ZBTB4: variants seen among roughly 807,000 people sequenced by gnomAD.
The protein encoded by ZBTB4 is zinc finger and BTB domain containing 4, also known as zinc finger and BTB domain-containing protein 4.
In ZBTB4, 14 loss-of-function variants were observed where a neutral mutation model predicts 59.8. The observed-to-expected ratio is 0.23, with a 90% CI of 0.15 to 0.37. The LOEUF is 0.37. Among genes scored for constraint, ZBTB4 ranks in the 10% least tolerant of loss-of-function variants. The probability of loss-of-function intolerance (pLI) is 1.00; values close to 1 mark genes in which losing one functional copy is unlikely to be tolerated. For missense variants in ZBTB4, 1,198 were observed against 1,380.8 expected (o/e 0.87, Z 2.10); for synonymous variants, 587 against 575.2 (o/e 1.02, Z -0.29).
upstream of ZBTB4, chr17:7,482,362 C>T (rs373918754): frequency 1.6e-4 from 253 of 1,613,900 alleles, no homozygotes; most frequent in Non-Finnish European, 1.7e-4. Context: ...AGGTGGTGCC[C>T]GCTGGCAACG....
At position 7,462,050 on chromosome 17, in the gene ZBTB4, G is replaced by A. The variant is rs1220080088; in HGVS notation, c.2932C>T (p.Pro978Ser). ...GGAGGTGGTGTTGGTGGGGCAGGGG[G>A]TGCTGCTTGAGGATTCACTGCGTAG... ...FGYAVNPQAA[P>S]PAPPTPPPPT... Residue 978 changes from proline to serine, a missense_variant, in exon 4 of 4, where the codon CCC becomes TCC. Pro to Ser is a moderately conservative substitution (Grantham distance 74, BLOSUM62 -1). Transcript: ENST00000380599. This position sits in a 1 kb window ranked among gnomAD's most constrained non-coding sequence, Gnocchi z 7.5. 3.1e-6 allele frequency: 5 copies of A among 1,600,818 alleles called. 1 individual carries two copies. In the African/African-American group the frequency reaches 6.7e-5, roughly 21 times the overall value.
At chr17:7,467,030 C>T (rs1168508295) in intron 2 of ZBTB4, among the ~76,000 whole-genome samples, 1 of 152,128 alleles carries the variant, frequency 6.6e-6, no homozygotes, top group African/African-American at 2.4e-5. Context: ...CTGGAAGAGG[C>T]CAGAGATACC....
In ZBTB4 at chr17:7,466,898, A is replaced by G; in HGVS notation, c.-9-88T>C. 1 of 1,436,672 alleles carries G rather than the reference A, an allele frequency of 7.0e-7. No individual in the cohort carries two copies. The highest frequency in any genetic ancestry group is 9.1e-7 in the Non-Finnish European group (1 of 1,098,596). 89.0% of individuals were successfully genotyped at this position (1,436,672 alleles called of 1,614,324 possible). A position where few individuals can be genotyped will look rare whatever the true frequency, so the allele number is the denominator to read the frequency against. ...AAAATCAGGCAGAGAGAGGATCAGG[A>G]GCTGCTGGTCAGAAACTAGTGGAAG... is the stretch of plus-strand genomic sequence containing the variant. On this transcript the variant is annotated intron_variant, in intron 2 of 3. Coordinates refer to ENST00000380599, the MANE Select transcript of ZBTB4 (RefSeq NM_001128833.2). The surrounding 1 kb of genome is among the most constrained non-coding windows in gnomAD (Gnocchi z 9.1).
In ZBTB4 at chr17:7,467,288, G is replaced by A. The variant is rs1215834329; in HGVS notation, c.-41C>T. On this transcript the variant is annotated 5_prime_UTR_variant, in exon 2 of 4. Coordinates refer to ENST00000380599, the MANE Select transcript of ZBTB4 (RefSeq NM_001128833.2). ...GCACAGCCAACATGGAGTGGGGCGGGGGGTGGCTCAGCGAGTCCCTTCTGC... is the reference window on the plus strand; with the variant it reads ...GCACAGCCAACATGGAGTGGGGCGGAGGGTGGCTCAGCGAGTCCCTTCTGC... 1 of 985,926 alleles carries A rather than the reference G, an allele frequency of 1.0e-6. No homozygotes were observed. The highest frequency in any genetic ancestry group is 6.1e-5 in the Admixed American group (1 of 16,372). The allele number at this position is 985,926 out of a possible 1,614,324, so 61.1% of individuals were successfully genotyped here. A position where few individuals can be genotyped will look rare whatever the true frequency, so the allele number is the denominator to read the frequency against.
At position 7,463,124 on chromosome 17, in the gene ZBTB4, CTG is replaced by C; in HGVS notation, c.1856_1857del (p.Ser619Ter). 6.2e-7 allele frequency: 1 copy of C among 1,609,584 alleles called. No individual in the cohort carries two copies. The highest frequency in any genetic ancestry group is 8.5e-7 in the Non-Finnish European group (1 of 1,179,104). ...AGCTCCCCAGGACGCAGGTCAGTCT[CTG>C]AGATGCGGCGCTTGACGATGGCCTC... ...GEEAIVKRRISETDLRPGELS... is the reference protein window; with the variant it reads ...GEEAIVKRRIXETDLRPGELS... On this transcript the variant is annotated frameshift_variant, in exon 4 of 4. Transcript: ENST00000380599. LOFTEE classifies it high-confidence loss of function.
chr17:7,480,668 C>T (rs1176306286), upstream of ZBTB4, among the ~76,000 whole-genome samples: 1 of 151,534 alleles, frequency 6.6e-6, no homozygotes, highest in African/African-American at 2.4e-5. Flanking sequence ...TGCAGTGAGC[C>T]GAGATCTCGC....
chr17:7,472,357 A>C (rs918220151), intron 1 of ZBTB4, among the ~76,000 whole-genome samples: 2 of 151,818 alleles, frequency 1.3e-5, no homozygotes, highest in South Asian at 2.1e-4. Context: ...CGTCCGGCTA[A>C]TTTTTGTATT....
chr17:7,471,665 G>C (rs2070198705), intron 1 of ZBTB4, among the ~76,000 whole-genome samples: 1 of 152,188 alleles, frequency 6.6e-6, no homozygotes, highest in Non-Finnish European at 1.5e-5. Context: ...GAAAAGACTA[G>C]CTATGTGACC....
chr17:7,463,314 C>A lies in ZBTB4; in HGVS notation c.1668G>T (p.Glu556Asp), dbSNP rs751048932. 4 of 1,609,260 alleles carry A rather than the reference C, an allele frequency of 2.5e-6. No individual in the cohort carries two copies. In the South Asian group the frequency reaches 4.4e-5, roughly 18 times the overall value. The change falls in exon 4 of 4, where the codon GAG becomes GAT. Residue 556 changes from glutamate to aspartate, a missense_variant. Transcript: ENST00000380599. ...CAGCCCGTGGATTCCGGCCCTTGGC[C>A]TCCTCCGTGGTGGTGGCCATGGCTG... ...AGPAMATTTE[E>D]AKGRNPRAGR... is the part of the protein sequence containing the mutation.
At chr17:7,469,312 G>A (rs946379198) in intron 1 of ZBTB4, among the ~76,000 whole-genome samples, 6 of 152,066 alleles carry the variant, frequency 3.9e-5, no homozygotes, top group Non-Finnish European at 8.8e-5. Context: ...GATTACAGGC[G>A]TCCGCCGCCA....
At chr17:7,470,074 C>CT (rs2070179374) in intron 1 of ZBTB4, among the ~76,000 whole-genome samples, 1 of 151,968 alleles carries the variant, frequency 6.6e-6, no homozygotes, top group Non-Finnish European at 1.5e-5. Context: ...GAACGAGACT[C>CT]TGTCTCAAAA....
At position 7,462,387 on chromosome 17, in the gene ZBTB4, G is replaced by A; in HGVS notation, c.2595C>T (p.Gly865=). ...CCTGCACAGGTGGGTATACATAGCT[G>A]CCCCCGCTTGCCACTACTGGGGGCT... ...GEEPPVVASG[G]SYVYPPVQEF... The change falls in exon 4 of 4, where the codon GGC becomes GGT. Residue 865 remains glycine (G), a synonymous_variant. Coordinates refer to ENST00000380599, the MANE Select transcript of ZBTB4 (RefSeq NM_001128833.2). The surrounding 1 kb of genome is among the most constrained non-coding windows in gnomAD (Gnocchi z 7.5). 2 of 1,613,868 alleles carry A rather than the reference G, an allele frequency of 1.2e-6. No individual in the cohort carries two copies. The highest frequency in any genetic ancestry group is 1.7e-6 in the Non-Finnish European group (2 of 1,179,968).
Position 7,462,592 on chromosome 17 carries a change from G to A in ZBTB4, c.2390C>T (p.Thr797Ile), listed in dbSNP as rs890883643. 1 of 1,612,376 alleles carries A rather than the reference G, an allele frequency of 6.2e-7. No homozygotes were observed. Residue 797 changes from threonine (T) to isoleucine (I), a missense_variant, in exon 4 of 4, where the codon ACC (threonine) becomes ATC (isoleucine). Thr to Ile is a moderately conservative substitution (Grantham distance 89). Coordinates refer to ENST00000380599, the MANE Select transcript of ZBTB4 (RefSeq NM_001128833.2). This position sits in a 1 kb window ranked among gnomAD's most constrained non-coding sequence, Gnocchi z 7.5. ...HAAERPGGTP[T>I]PVIAYSKGSA... ...GCCCTTGGAATAGGCAATGACAGGG[G>A]TTGGGGTGCCCCCGGGCCGCTCAGC...
chr17:7,477,338 G>C (rs1264080637), intron 1 of ZBTB4, among the ~76,000 whole-genome samples: 10 of 152,220 alleles, frequency 6.6e-5, no homozygotes, highest in Non-Finnish European at 1.5e-4. Context: ...TTCAGATCAA[G>C]TGCCAGTGAG....
At position 7,470,068 on chromosome 17, in the gene ZBTB4, G is replaced by A. The variant is rs568776468; in HGVS notation, c.-80-2741C>T. On this transcript the variant is annotated intron_variant, in intron 1 of 3. Transcript: ENST00000380599. ...CTGCACTCCAGCCTGGTGACAGAAC[G>A]AGACTCTGTCTCAAAAAATAAATAA... 2.6e-5 allele frequency among the ~76,000 whole-genome samples: 4 copies of A among 151,696 alleles called. No homozygotes were observed. The South Asian group carries it at 6.2e-4, about 24-fold the overall frequency.
chr17:7,463,916 G>A, intron 3 of ZBTB4, 26 bp from the exon 4 acceptor site: 1 of 1,595,064 alleles, frequency 6.3e-7, no homozygotes, highest in Non-Finnish European at 8.5e-7. Flanking sequence ...AGGGAATAGG[G>A]CAGGAACACA....
At chr17:7,465,195 A>T (rs1172788722) in intron 3 of ZBTB4, among the ~76,000 whole-genome samples, 1 of 148,372 alleles carries the variant, frequency 6.7e-6, no homozygotes, top group South Asian at 2.1e-4. Flanking sequence ...GTGGTGGCTC[A>T]CGCCTGTAAT....
rs35231078 is a variant in ZBTB4 at position 7,463,366 on chromosome 17, G to A, written c.1616C>T (p.Ala539Val). ...PAATPTSPATAVSPATAAGPA... is the reference protein window; with the variant it reads ...PAATPTSPATVVSPATAAGPA... ...CCCTGCAGCGGTGGCTGGGCTGACT[G>A]CTGTGGCTGGGCTGGTGGGTGTGGC... The change falls in exon 4 of 4, where the codon GCA becomes GTA. Residue 539 changes from alanine (A) to valine (V), a missense_variant. Physicochemically the swap from Ala to Val is moderately conservative, Grantham distance 64 (BLOSUM62 0). Transcript: ENST00000380599. The A allele has an allele frequency of 2.2e-3, 3,475 of 1,605,860 alleles. 69 individuals carry two copies. The African/African-American group carries it at 0.04, about 18-fold the overall frequency.
At position 7,462,388 on chromosome 17, in the gene ZBTB4, C is replaced by G. The variant is rs1292058484; in HGVS notation, c.2594G>C (p.Gly865Ala). 2 of 1,613,782 alleles carry G rather than the reference C, an allele frequency of 1.2e-6. No homozygotes were observed. The highest frequency in any genetic ancestry group is 4.5e-5 in the East Asian group (2 of 44,886). The change falls in exon 4 of 4, where the codon GGC (glycine) becomes GCC (alanine). Residue 865 changes from glycine (G) to alanine (A), a missense_variant. Coordinates refer to ENST00000380599, the MANE Select transcript of ZBTB4 (RefSeq NM_001128833.2). The surrounding 1 kb of genome is among the most constrained non-coding windows in gnomAD (Gnocchi z 7.5). Reference protein sequence around the residue: ...GEEPPVVASGGSYVYPPVQEF... With the variant: ...GEEPPVVASGASYVYPPVQEF... ...CTGCACAGGTGGGTATACATAGCTG[C>G]CCCCGCTTGCCACTACTGGGGGCTC... is the stretch of plus-strand genomic sequence containing the variant.
Sources: gnomAD v4.1 joint callset for allele counts (sites outside exome capture counted in the v4.1 genomes callset) on GRCh38, gnomAD v4.1.1 for gene constraint, Gnocchi (gnomAD v3.1) non-coding constraint, MANE v1.5 for transcripts, NCBI Gene and HGNC (gene_info 2026-07-23, HGNC 2026-07-21) for gene names.